DENND4C: variants seen among roughly 807,000 people sequenced by gnomAD.
The protein encoded by DENND4C is DENN domain-containing protein 4C.
DENND4C carries 108 observed loss-of-function variants against 203.0 expected under a neutral mutation model. The ratio of observed to expected loss-of-function variants is 0.53; its 90% CI spans 0.46 to 0.62. DENND4C has a LOEUF of 0.62. DENND4C is among the 20% of genes least tolerant of loss of function. The pLI is 0.00. For missense variants in DENND4C, 2,481 were observed against 2,301.2 expected (o/e 1.08, Z -1.60); for synonymous variants, 871 against 792.4 (o/e 1.10, Z -1.67).
rs1025317871 is a variant in DENND4C, at chr9:19,305,539, C to G, written c.1487+12C>G. 5 of 1,602,270 alleles carry G rather than the reference C, an allele frequency of 3.1e-6. No individual in the cohort carries two copies. The highest frequency in any genetic ancestry group is 3.4e-6 in the Non-Finnish European group (4 of 1,175,246). Reference sequence around the variant, plus strand: ...AACATGTTATATGTGTAAGTTGATTCATTTTATATTATCTCCCATTTATAT... The same window carrying G: ...AACATGTTATATGTGTAAGTTGATTGATTTTATATTATCTCCCATTTATAT... On this transcript the variant is annotated intron_variant, in intron 10 of 32. Transcript: ENST00000434457.
Position 19,287,491 on chromosome 9 carries a change from C to A in DENND4C, c.558+470C>A, listed in dbSNP as rs554839953. 1.7e-4 allele frequency among the ~76,000 whole-genome samples: 26 copies of A among 151,300 alleles called. No homozygotes were observed. In the South Asian group the frequency reaches 5.0e-3, roughly 29 times the overall value. On this transcript the variant is annotated intron_variant, in intron 3 of 32. Coordinates refer to ENST00000434457, the MANE Select transcript of DENND4C (RefSeq NM_001330640.2). Reference sequence around the variant, plus strand: ...CCCCCACCAGGCTCAAGTGATCTTCCCACCTTAGCCTCCCGAGTAGCTGGG... The same window carrying A: ...CCCCCACCAGGCTCAAGTGATCTTCACACCTTAGCCTCCCGAGTAGCTGGG...
In DENND4C at chr9:19,360,271, C is replaced by G. The variant is rs773446530; in HGVS notation, c.5188C>G (p.Pro1730Ala). The change falls in exon 29 of 33, where the codon CCC becomes GCC. Residue 1730 changes from proline (P) to alanine (A), a missense_variant. Pro to Ala is a conservative substitution (Grantham distance 27, BLOSUM62 -1). Transcript: ENST00000434457. ...TCCTTTAGGAAAAAGACCCAATCCTCCCCCTGTTTCTGTGCCCTACTTGAG... is the reference window on the plus strand; with the variant it reads ...TCCTTTAGGAAAAAGACCCAATCCTGCCCCTGTTTCTGTGCCCTACTTGAG... The part of the protein sequence containing the change: ...VDPLGKRPNP[P>A]PVSVPYLSPL... 6.2e-7 allele frequency: 1 copy of G among 1,613,030 alleles called. No homozygotes were observed. Among genetic ancestry groups the G allele is most frequent in the Non-Finnish European group, 8.5e-7 (1 of 1,179,690 alleles).
intron 5 of DENND4C, among the ~76,000 whole-genome samples, 159 bp from the exon 6 acceptor site, chr9:19,295,849 G>T (rs1431233405): frequency 6.6e-6 from 1 of 151,640 alleles, no homozygotes; most frequent in Non-Finnish European, 1.5e-5. Context: ...ATCAAAATCT[G>T]GTTATCTCTG....
At chr9:19,269,378 C>T (rs1159292060) in intron 1 of DENND4C, among the ~76,000 whole-genome samples, 2 of 152,160 alleles carry the variant, frequency 1.3e-5, no homozygotes, top group Non-Finnish European at 1.5e-5. Context: ...AGGCTGGTCT[C>T]GAACTCCTGA....
chr9:19,298,017 A>G, intron 6 of DENND4C, 39 bp from the exon 7 acceptor site: 1 of 1,484,982 alleles, frequency 6.7e-7, no homozygotes, highest in Non-Finnish European at 9.2e-7. Flanking sequence ...TGCATTTAGA[A>G]AAGTAATTAT....
At position 19,371,811 on chromosome 9, in the gene DENND4C, A is replaced by G. The variant is rs749154505; in HGVS notation, c.5731A>G (p.Ile1911Val). 2 of 1,451,960 alleles carry G rather than the reference A, an allele frequency of 1.4e-6. No homozygotes were observed. The highest frequency in any genetic ancestry group is 2.4e-5 in the South Asian group (2 of 81,782). The allele number at this position is 1,451,960 out of a possible 1,614,324, so 89.9% of individuals were successfully genotyped here. ...ATTAGTGTCTCTAGGAAGAGAGAATATTGATATTGGTAAGTTGGTTAATAA... is the reference window on the plus strand; with the variant it reads ...ATTAGTGTCTCTAGGAAGAGAGAATGTTGATATTGGTAAGTTGGTTAATAA... ...LSLVSLGREN[I>V]DIEAFDNEYG... The change falls in exon 32 of 33, where the codon ATT becomes GTT. Residue 1911 changes from isoleucine (I) to valine (V), a missense_variant. Coordinates refer to ENST00000434457, the MANE Select transcript of DENND4C (RefSeq NM_001330640.2).
In DENND4C at chr9:19,346,696, C is replaced by G. The variant is rs752904882; in HGVS notation, c.3927C>G (p.Asn1309Lys). 6.2e-7 allele frequency: 1 copy of G among 1,614,098 alleles called. No individual in the cohort carries two copies. The change falls in exon 23 of 33, where the codon AAC becomes AAG. Residue 1309 changes from asparagine (N) to lysine (K), a missense_variant. Physicochemically the swap from Asn to Lys is moderately conservative, Grantham distance 94 (BLOSUM62 0). Around this residue, in one of 3 missense-constraint regions of DENND4C, gnomAD observed 2,289 missense variants for 2,113.3 expected, o/e 1.08. Coordinates refer to ENST00000434457, the MANE Select transcript of DENND4C (RefSeq NM_001330640.2). The stretch of plus-strand genomic sequence containing the variant: ...GTATGGAATTACACAGAGAGGAAAA[C>G]AGAGAGTCTGGCATGACTACTGCAT... Reference protein sequence around the residue: ...SSSMELHREENRESGMTTAFI... With the variant: ...SSSMELHREEKRESGMTTAFI...
intron 12 of DENND4C, among the ~76,000 whole-genome samples, chr9:19,321,636 G>A (rs940702923): frequency 6.6e-6 from 1 of 151,980 alleles, no homozygotes; most frequent in African/African-American, 2.4e-5. Flanking sequence ...CTTGAGGTCA[G>A]GAGTTTGAGA....
intron 1 of DENND4C, among the ~76,000 whole-genome samples, chr9:19,265,575 G>T (rs866106080): frequency 6.6e-6 from 1 of 151,894 alleles, no homozygotes; most frequent in Non-Finnish European, 1.5e-5. Context: ...TTTACATTAG[G>T]TATATCTCCT....
At chr9:19,318,848 C>G (rs769723363) in intron 12 of DENND4C, among the ~76,000 whole-genome samples, 6 of 152,144 alleles carry the variant, frequency 3.9e-5, no homozygotes, top group African/African-American at 9.6e-5. Context: ...AGTTACATTC[C>G]GAGGTACTAG....
Sources: gnomAD v4.1 joint callset for allele counts (sites outside exome capture counted in the v4.1 genomes callset) on GRCh38, gnomAD v4.1.1 for gene constraint, gnomAD v4.1.1 regional missense constraint, MANE v1.5 for transcripts, NCBI Gene and HGNC (gene_info 2026-07-23, HGNC 2026-07-21) for gene names.